Variants in ARL6 observed in about 807,000 individuals in gnomAD.
ARL6 encodes the protein ADP-ribosylation factor-like protein 6.
A neutral mutation model predicts 27.1 loss-of-function variants in ARL6; 18 were observed. That is an observed-to-expected ratio of 0.66 (90% CI 0.46 to 0.98). The LOEUF (loss-of-function observed/expected upper bound fraction) is 0.98, where lower values mean the gene tolerates loss of function less well. ARL6 is among the 50% of genes least tolerant of loss of function. The pLI, the probability that ARL6 is intolerant of heterozygous loss-of-function variation, is 0.00. For missense variants in ARL6, 187 were observed against 214.9 expected, an observed-to-expected ratio of 0.87 and a Z score of 0.81; for synonymous variants, 65 against 72.3, an observed-to-expected ratio of 0.90 and a Z score of 0.51.
chr3:97,772,087 G>A (rs757355278), intron 2 of ARL6, among the ~76,000 whole-genome samples: 1 of 152,032 alleles, frequency 6.6e-6, no homozygotes, highest in South Asian at 2.1e-4. Context: ...TTTTGGGATC[G>A]TTTGAGTTGA....
intron 7 of ARL6, 131 bp downstream of exon 7, chr3:97,791,957 A>G: frequency 1.3e-6 from 1 of 780,806 alleles, no homozygotes; most frequent in Non-Finnish European, 2.1e-6. Flanking sequence ...TATCAGAAAA[A>G]ACAATACAGT....
intron 4 of ARL6, among the ~76,000 whole-genome samples, chr3:97,782,413 A>G (rs972505500): frequency 6.6e-6 from 1 of 151,976 alleles, no homozygotes; most frequent in Non-Finnish European, 1.5e-5. Context: ...GAGTGGTTAC[A>G]TTGTAGATTG....
At chr3:97,792,475 C>T (rs2037787818) in intron 7 of ARL6, among the ~76,000 whole-genome samples, 1 of 152,050 alleles carries the variant, frequency 6.6e-6, no homozygotes, top group Admixed American at 6.6e-5. Flanking sequence ...AAGCAAGACT[C>T]CATCTCAAGA....
chr3:97,769,339 C>T (rs1313194697), intron 2 of ARL6, among the ~76,000 whole-genome samples: 1 of 151,832 alleles, frequency 6.6e-6, no homozygotes, highest in Non-Finnish European at 1.5e-5. Context: ...TAGAGATAGA[C>T]TCTATATACC....
At chr3:97,791,653 T>G in intron 6 of ARL6, 118 bp from the exon 7 acceptor site, 2 of 798,160 alleles carry the variant, frequency 2.5e-6, no homozygotes, top group Non-Finnish European at 4.1e-6. Flanking sequence ...TAACCAGTTT[T>G]GCTCAGATAT....
At chr3:97,776,234 A>G (rs959079832) in intron 2 of ARL6, among the ~76,000 whole-genome samples, 2 of 152,082 alleles carry the variant, frequency 1.3e-5, no homozygotes, top group Non-Finnish European at 2.9e-5. Flanking sequence ...AATCTGTTTT[A>G]TCTGATATGA....
At chr3:97,783,082 A>G (rs534377204) in intron 4 of ARL6, among the ~76,000 whole-genome samples, 3 of 150,988 alleles carry the variant, frequency 2.0e-5, no homozygotes, top group South Asian at 2.1e-4. Flanking sequence ...TTTACATACT[A>G]TTTTTACAAT....
chr3:97,798,179 C>A lies in ARL6; in HGVS notation c.*130C>A. Reference sequence around the variant, plus strand: ...TTCTGCTTGCATTTATGGACTCTGACCTTTTTAAGAACATAGGACTTCAGG... The same window carrying A: ...TTCTGCTTGCATTTATGGACTCTGAACTTTTTAAGAACATAGGACTTCAGG... On this transcript the variant is annotated 3_prime_UTR_variant, in exon 8 of 8. Transcript: ENST00000463745. The A allele has an allele frequency of 3.2e-6, 3 of 943,098 alleles. No individual in the cohort carries two copies. Among genetic ancestry groups the A allele is most frequent in the South Asian group, 3.0e-5 (2 of 67,460 alleles). The allele number at this position is 943,098 out of a possible 1,614,324, so 58.4% of individuals were successfully genotyped here. A position where few individuals can be genotyped will look rare whatever the true frequency, so the allele number is the denominator to read the frequency against.
chr3:97,795,914 C>T (rs2037977980), intron 7 of ARL6, among the ~76,000 whole-genome samples: 1 of 152,160 alleles, frequency 6.6e-6, no homozygotes, highest in African/African-American at 2.4e-5. Flanking sequence ...TTCTACTGCT[C>T]CTATTTCTCC....
intron 7 of ARL6, among the ~76,000 whole-genome samples, chr3:97,797,654 G>C (rs1428519146): frequency 6.6e-6 from 1 of 152,172 alleles, no homozygotes; most frequent in South Asian, 2.1e-4. Flanking sequence ...GGGAGGAATG[G>C]AGAAGAAGCA....
intron 2 of ARL6, among the ~76,000 whole-genome samples, chr3:97,771,661 A>G (rs1376346518): frequency 2.0e-5 from 3 of 149,206 alleles, no homozygotes; most frequent in Non-Finnish European, 4.4e-5. Flanking sequence ...TTAGTATATT[A>G]GCCATGGTTT....
rs377587739 is a variant in ARL6, at chr3:97,791,739, G to C, written c.480-32G>C. 182 of 1,603,310 alleles carry C rather than the reference G, an allele frequency of 1.1e-4. 1 individual carries two copies. The African/African-American group carries it at 2.2e-3, about 19-fold the overall frequency. Reference sequence around the variant, plus strand: ...TTCTTATAGTTTTGTGATGTAATGAGATGGCTATGTTTCTTATGGATTTCA... The same window carrying C: ...TTCTTATAGTTTTGTGATGTAATGACATGGCTATGTTTCTTATGGATTTCA... On this transcript the variant is annotated intron_variant, in intron 6 of 7. Transcript: ENST00000463745.
chr3:97,785,992 T>C (rs557372203), intron 5 of ARL6, among the ~76,000 whole-genome samples: 1 of 152,358 alleles, frequency 6.6e-6, no homozygotes, highest in Admixed American at 6.5e-5. Context: ...TCAAGCTTAC[T>C]GAAATTTTTG....
chr3:97,795,007 G>T (rs1391580526), intron 7 of ARL6, among the ~76,000 whole-genome samples: 2 of 152,164 alleles, frequency 1.3e-5, no homozygotes, highest in South Asian at 4.1e-4. Flanking sequence ...AACTCTGGGG[G>T]TGGAGGTTGC....
chr3:97,776,806 G>A (rs185067031), intron 2 of ARL6, among the ~76,000 whole-genome samples: 13 of 152,100 alleles, frequency 8.5e-5, no homozygotes, highest in East Asian at 3.9e-4. Context: ...ACAGGCACGC[G>A]CCACCACACC....
At chr3:97,781,428 A>G (rs1046881254) in intron 4 of ARL6, among the ~76,000 whole-genome samples, 2 of 152,164 alleles carry the variant, frequency 1.3e-5, no homozygotes, top group Admixed American at 1.3e-4. Flanking sequence ...CAAAACTTAA[A>G]TTGCCGTGCA....
chr3:97,779,520 A>G (rs923966298), intron 2 of ARL6, among the ~76,000 whole-genome samples: 2 of 152,070 alleles, frequency 1.3e-5, no homozygotes, highest in African/African-American at 4.8e-5. Context: ...GGCAGGAACC[A>G]TCTACACATG....
At chr3:97,791,851 T>C (rs1353448132) in intron 7 of ARL6, 25 bp downstream of exon 7, 3 of 1,600,624 alleles carry the variant, frequency 1.9e-6, no homozygotes, top group Admixed American at 3.3e-5. Context: ...ACTGTGTGTC[T>C]TCAGCCTTTG....
intron 2 of ARL6, among the ~76,000 whole-genome samples, chr3:97,779,637 C>T (rs148786678): frequency 7.3e-4 from 111 of 152,122 alleles, no homozygotes; most frequent in African/African-American, 2.4e-3. Context: ...GAGCCCAGGG[C>T]GGGCAGATCA....
Sources: allele counts gnomAD v4.1 joint callset (sites outside exome capture counted in the v4.1 genomes callset), GRCh38; gene constraint gnomAD v4.1.1; transcripts MANE v1.5; gene names NCBI Gene and HGNC (gene_info 2026-07-23, HGNC 2026-07-21).